OR3A2: variants seen among roughly 807,000 people sequenced by gnomAD.
The protein encoded by OR3A2 is olfactory receptor family 3 subfamily A member 2.
For synonymous variants in OR3A2, 126 were observed against 159.3 expected (o/e 0.79, Z 1.57); for missense variants, 318 against 392.8 (o/e 0.81, Z 1.61).
intron 3 of OR3A2, among the ~76,000 whole-genome samples, chr17:3,319,224 T>G (rs1050485339): frequency 1.4e-4 from 22 of 152,212 alleles, no homozygotes; most frequent in African/African-American, 4.8e-4. Context: ...CTTCAGTGTA[T>G]TCCATATTGT....
intron 2 of OR3A2, among the ~76,000 whole-genome samples, chr17:3,347,230 G>C (rs1450219007): frequency 2.2e-5 from 2 of 91,598 alleles, no homozygotes; most frequent in African/African-American, 1.1e-4. Flanking sequence ...TTTGCCATTT[G>C]TATGTCTTCT....
chr17:3,349,148 A>T (rs1022481519), intron 2 of OR3A2, among the ~76,000 whole-genome samples: 5 of 152,132 alleles, frequency 3.3e-5, no homozygotes, highest in African/African-American at 7.2e-5. Context: ...ACCAGCTAAC[A>T]TCATAATGAC....
At position 3,311,362 on chromosome 17, in the gene OR3A2, T is replaced by C; in HGVS notation, c.-85+24671A>G. 1.9e-6 allele frequency: 1 copy of C among 528,190 alleles called. No individual in the cohort carries two copies. The highest frequency in any genetic ancestry group is 3.9e-6 in the Non-Finnish European group (1 of 255,134). The allele number at this position is 528,190 out of a possible 1,614,324, so 32.7% of individuals were successfully genotyped here. The stretch of plus-strand genomic sequence containing the variant: ...CTTAATAGCCATGGCCTATGACCGC[T>C]ACCTGGCTATCTGTCAGCTTCTCAC... On this transcript the variant is annotated intron_variant, in intron 3 of 4. Coordinates refer to the OR3A2 transcript ENST00000573491. This position sits in a 1 kb window ranked among gnomAD's most constrained non-coding sequence, Gnocchi z 4.6.
intron 3 of OR3A2, chr17:3,291,776 C>G: frequency 6.2e-7 from 1 of 1,613,718 alleles, no homozygotes; most frequent in Non-Finnish European, 8.5e-7. Context: ...TGTCTGAAAG[C>G]TTGGTTGAAC....
intron 2 of OR3A2, among the ~76,000 whole-genome samples, chr17:3,358,068 C>T (rs938982108): frequency 6.6e-6 from 1 of 151,558 alleles, no homozygotes; most frequent in Non-Finnish European, 1.5e-5. Flanking sequence ...AGAGGCTGAG[C>T]TGTACTACTG....
chr17:3,333,114 T>G (rs1458286804), intron 3 of OR3A2, among the ~76,000 whole-genome samples: 3 of 152,162 alleles, frequency 2.0e-5, no homozygotes, highest in African/African-American at 7.2e-5. Context: ...GCAAGGAATA[T>G]TAAATATTAA....
At chr17:3,354,568 C>T (rs776580274) in intron 2 of OR3A2, among the ~76,000 whole-genome samples, 4 of 151,332 alleles carry the variant, frequency 2.6e-5, no homozygotes, top group Non-Finnish European at 5.9e-5. Flanking sequence ...ATAGTAGTCA[C>T]TAATGATCCT....
intron 3 of OR3A2, among the ~76,000 whole-genome samples, chr17:3,332,643 G>A (rs2049246987): frequency 6.6e-6 from 1 of 152,308 alleles, no homozygotes; most frequent in Non-Finnish European, 1.5e-5. Context: ...AGATGGAAAT[G>A]CAGAAATCAC....
chr17:3,304,316 C>G (rs2048986489), intron 3 of OR3A2, among the ~76,000 whole-genome samples: 1 of 152,202 alleles, frequency 6.6e-6, no homozygotes. Context: ...AGCTGTCTAT[C>G]TGTGAAGCTC....
intron 2 of OR3A2, among the ~76,000 whole-genome samples, chr17:3,371,073 C>G (rs1471838471): frequency 1.3e-5 from 2 of 151,952 alleles, no homozygotes; most frequent in South Asian, 2.1e-4. Context: ...ACCTTTCCCC[C>G]CTTTCTATTC....
At chr17:3,382,238 C>T (rs573470910) in intron 2 of OR3A2, among the ~76,000 whole-genome samples, 1 of 152,298 alleles carries the variant, frequency 6.6e-6, no homozygotes, top group African/African-American at 2.4e-5. Context: ...ATCTAACAGG[C>T]AACGGGATAT....
intron 3 of OR3A2, among the ~76,000 whole-genome samples, chr17:3,324,254 T>C (rs1196284520): frequency 1.3e-5 from 2 of 152,092 alleles, no homozygotes; most frequent in Non-Finnish European, 2.9e-5. Flanking sequence ...TAGTTATCCA[T>C]TCGTCTTGAT....
intron 3 of OR3A2, among the ~76,000 whole-genome samples, chr17:3,332,434 G>A (rs562901753): frequency 5.3e-5 from 8 of 152,324 alleles, no homozygotes; most frequent in East Asian, 1.9e-4. Context: ...TCCGAAAAGC[G>A]CAATATTCGG....
At chr17:3,352,656 T>C (rs1597354786) in intron 2 of OR3A2, among the ~76,000 whole-genome samples, 1 of 152,068 alleles carries the variant, frequency 6.6e-6, no homozygotes, top group Non-Finnish European at 1.5e-5. Flanking sequence ...TATAGCTCTG[T>C]AGTATAATTT....
intron 2 of OR3A2, among the ~76,000 whole-genome samples, chr17:3,340,962 A>G (rs2049312513): frequency 6.6e-6 from 1 of 152,148 alleles, no homozygotes; most frequent in East Asian, 1.9e-4. Context: ...TATTGGGTGC[A>G]TATATATTTA....
intron 3 of OR3A2, chr17:3,292,452 C>G (rs1211397289): frequency 6.2e-7 from 1 of 1,613,646 alleles, no homozygotes; most frequent in Non-Finnish European, 8.5e-7. Context: ...GCTGAGGTTG[C>G]CCCTGACCGT....
exon 2 of OR3A2, chr17:3,277,880 T>G: frequency 7.2e-7 from 1 of 1,384,668 alleles, no homozygotes; most frequent in Non-Finnish European, 9.8e-7. Flanking sequence ...ATAGGAAAAA[T>G]AGTTGTGGCT....
At chr17:3,382,476 G>T (rs1027081026) in intron 2 of OR3A2, among the ~76,000 whole-genome samples, 1 of 152,222 alleles carries the variant, frequency 6.6e-6, no homozygotes, top group Non-Finnish European at 1.5e-5. Flanking sequence ...CCTCTGGCTG[G>T]GAGGGAGACC....
At chr17:3,381,942 A>G (rs912630226) in intron 2 of OR3A2, among the ~76,000 whole-genome samples, 3 of 152,224 alleles carry the variant, frequency 2.0e-5, no homozygotes, top group African/African-American at 7.2e-5. Flanking sequence ...TCAGCATTAC[A>G]GAAAAAACAA....
Sources: allele counts gnomAD v4.1 joint callset (sites outside exome capture counted in the v4.1 genomes callset), GRCh38; gene constraint gnomAD v4.1.1; non-coding constraint Gnocchi (gnomAD v3.1); transcripts MANE v1.5; gene names NCBI Gene and HGNC (gene_info 2026-07-23, HGNC 2026-07-21).